Variants in RFFL observed in about 807,000 individuals in gnomAD.
RFFL encodes ring finger and FYVE like domain containing E3 ubiquitin protein ligase.
In RFFL, 16 loss-of-function variants were observed where a neutral mutation model predicts 40.4. The ratio of observed to expected loss-of-function variants is 0.40; its 90% CI spans 0.27 to 0.60. The LOEUF is 0.60. RFFL is among the 20% of genes least tolerant of loss of function. The pLI is 0.47. For missense variants in RFFL, 367 were observed against 451.7 expected (o/e 0.81, Z 1.70); for synonymous variants, 154 against 167.9 (o/e 0.92, Z 0.64).
At chr17:35,065,330 C>T (rs34294711), upstream of RFFL, among the ~76,000 whole-genome samples, 13,928 of 151,976 alleles carry the variant, frequency 0.092, 1,953 homozygotes, top group African/African-American at 0.3. Context: ...CCGAGGTGGG[C>T]GGATCACCTG....
At position 35,011,353 on chromosome 17, in the gene RFFL, T is replaced by G. The variant is rs1169084785; in HGVS notation, c.*615A>C. On this transcript the variant is annotated 3_prime_UTR_variant, in exon 7 of 7. Coordinates refer to ENST00000394597, the MANE Select transcript of RFFL (RefSeq NM_001017368.2). Reference sequence around the variant, plus strand: ...AGTGGCTTTTAACAACTTTGAAATTTTTCTATAGCATTTGTATTTCATTTC... The same window carrying G: ...AGTGGCTTTTAACAACTTTGAAATTGTTCTATAGCATTTGTATTTCATTTC... The G allele has an allele frequency of 6.6e-6, 1 of 152,236 alleles. No homozygotes were observed. The highest frequency in any genetic ancestry group is 1.9e-4 in the East Asian group (1 of 5,206). 9.4% of individuals were successfully genotyped at this position (152,236 alleles called of 1,614,324 possible).
At chr17:35,054,604 T>A (rs1015163810) in intron 1 of RFFL, among the ~76,000 whole-genome samples, 1 of 151,570 alleles carries the variant, frequency 6.6e-6, no homozygotes, top group African/African-American at 2.4e-5. Flanking sequence ...AAGACTTTAT[T>A]TAACTGGGTT....
Position 35,018,144 on chromosome 17 carries a change from A to G in RFFL, c.592-538T>C, listed in dbSNP as rs547071654. On this transcript the variant is annotated intron_variant, in intron 3 of 6. Coordinates refer to ENST00000394597, the MANE Select transcript of RFFL (RefSeq NM_001017368.2). Reference sequence around the variant, plus strand: ...CTTCCTTATCTGACACTGATGGGACAAAGTTTCCAGATCATCACCACCCTA... The same window carrying G: ...CTTCCTTATCTGACACTGATGGGACGAAGTTTCCAGATCATCACCACCCTA... Among the ~76,000 whole-genome samples, 39 of 152,266 alleles carry G rather than the reference A, an allele frequency of 2.6e-4. No homozygotes were observed. The South Asian group carries it at 8.1e-3, about 32-fold the overall frequency.
intron 1 of RFFL, among the ~76,000 whole-genome samples, chr17:35,058,408 C>G (rs2091272564): frequency 6.6e-6 from 1 of 152,112 alleles, no homozygotes; most frequent in Non-Finnish European, 1.5e-5. Context: ...CCCAAACTAC[C>G]CATTTAATAA....
intron 1 of RFFL, among the ~76,000 whole-genome samples, chr17:35,029,873 G>C (rs950296815): frequency 2.9e-5 from 4 of 136,898 alleles, no homozygotes; most frequent in Non-Finnish European, 4.6e-5. Context: ...CCCAGAGTAT[G>C]ATGTTCCCCT....
chr17:35,011,872 T>G lies in RFFL; in HGVS notation c.*96A>C. On this transcript the variant is annotated 3_prime_UTR_variant, in exon 7 of 7. Coordinates refer to ENST00000394597, the MANE Select transcript of RFFL (RefSeq NM_001017368.2). ...ACCTGGTTTTGGGAACCCTGCAATA[T>G]TTCTACTAGCTTGCTCCTCTGCAAG... is the stretch of plus-strand genomic sequence containing the variant. 8.2e-7 allele frequency: 1 copy of G among 1,223,570 alleles called. No individual in the cohort carries two copies. Among genetic ancestry groups the G allele is most frequent in the Non-Finnish European group, 1.2e-6 (1 of 855,038 alleles). 75.8% of individuals were successfully genotyped at this position (1,223,570 alleles called of 1,614,324 possible).
At chr17:35,026,954 G>A (rs893572768) in intron 1 of RFFL, among the ~76,000 whole-genome samples, 10 of 152,248 alleles carry the variant, frequency 6.6e-5, no homozygotes, top group South Asian at 2.1e-4. Flanking sequence ...GGCCCACTTC[G>A]GCCTCCCAAA....
chr17:35,012,177 AGG>A (rs1465679910), intron 6 of RFFL, 28 bp from the exon 7 acceptor site: 1 of 1,603,252 alleles, frequency 6.2e-7, no homozygotes, highest in African/African-American at 1.3e-5. Context: ...GCAGAAAAAA[AGG>A]GGCAGAGGAG....
At chr17:35,078,734 C>A (rs2091389274) in intron 1 of RFFL, among the ~76,000 whole-genome samples, 1 of 152,224 alleles carries the variant, frequency 6.6e-6, no homozygotes, top group Non-Finnish European at 1.5e-5. Context: ...TATCCCAACA[C>A]TTTGGGAGGC....
intron 3 of RFFL, among the ~76,000 whole-genome samples, chr17:35,020,654 GT>G (rs1179877493): frequency 6.6e-6 from 1 of 151,954 alleles, no homozygotes; most frequent in African/African-American, 2.4e-5. Context: ...CAACAATTAT[GT>G]CCACTGGCCT....
In RFFL at chr17:35,063,633, T is replaced by TCTA. The variant is rs1477052371; in HGVS notation, c.-67_-66insTAG. 2.6e-5 allele frequency: 4 copies of TCTA among 152,274 alleles called. No individual in the cohort carries two copies. The highest frequency in any genetic ancestry group is 9.6e-5 in the African/African-American group (4 of 41,458). 9.4% of individuals were successfully genotyped at this position (152,274 alleles called of 1,614,324 possible). A position where few individuals can be genotyped will look rare whatever the true frequency, so the allele number is the denominator to read the frequency against. On this transcript the variant is annotated 5_prime_UTR_variant, in exon 1 of 7. It introduces an in-frame stop codon into an upstream open reading frame of the 5' UTR. Coordinates refer to ENST00000394597, the MANE Select transcript of RFFL (RefSeq NM_001017368.2). ...CAGAAAGCAAGCTGTCTCTAGTTCC[T>TCTA]GTGGCTGAGGTCGCTGGAGCCATGT...
chr17:35,046,479 C>G (rs2091201028), intron 1 of RFFL, among the ~76,000 whole-genome samples: 1 of 152,094 alleles, frequency 6.6e-6, no homozygotes, highest in Non-Finnish European at 1.5e-5. Context: ...ACAGCCCAAG[C>G]AAGGTGGAAG....
chr17:35,019,335 C>T (rs2090993841), intron 3 of RFFL, among the ~76,000 whole-genome samples: 1 of 152,086 alleles, frequency 6.6e-6, no homozygotes, highest in Non-Finnish European at 1.5e-5. Flanking sequence ...TGACAGGAAG[C>T]TTATCATCTT....
intron 1 of RFFL, among the ~76,000 whole-genome samples, chr17:35,027,277 T>C (rs960734898): frequency 6.6e-6 from 1 of 152,218 alleles, no homozygotes. Context: ...CAGTTATATC[T>C]TGCTCTTTAT....
intron 1 of RFFL, among the ~76,000 whole-genome samples, chr17:35,042,007 TC>T (rs1334684283): frequency 6.6e-6 from 1 of 151,988 alleles, no homozygotes; most frequent in East Asian, 1.9e-4. Flanking sequence ...AGAGCGAGAC[TC>T]CATCTCAAAA....
At chr17:35,066,094 GC>G (rs2091320170), upstream of RFFL, among the ~76,000 whole-genome samples, 1 of 152,166 alleles carries the variant, frequency 6.6e-6, no homozygotes, top group South Asian at 2.1e-4. Flanking sequence ...CTGCAATCCA[GC>G]CCAGGCGACA....
chr17:35,015,932 G>A (rs189319722), intron 5 of RFFL, among the ~76,000 whole-genome samples: 68 of 152,310 alleles, frequency 4.5e-4, no homozygotes, highest in African/African-American at 1.6e-3. Flanking sequence ...GAGCCCAAGT[G>A]CAGATGGAAC....
At chr17:35,062,572 G>C (rs774535650) in intron 1 of RFFL, among the ~76,000 whole-genome samples, 1 of 152,108 alleles carries the variant, frequency 6.6e-6, no homozygotes, top group Non-Finnish European at 1.5e-5. Context: ...TAAATACCAG[G>C]TTCTCCTGAG....
chr17:35,029,898 G>A (rs897972265), intron 1 of RFFL, among the ~76,000 whole-genome samples: 6 of 143,912 alleles, frequency 4.2e-5, no homozygotes, highest in African/African-American at 1.3e-4. Flanking sequence ...GTGTCCATGT[G>A]TTCTCATTGT....
Sources: gnomAD v4.1 joint callset for allele counts (sites outside exome capture counted in the v4.1 genomes callset) on GRCh38, gnomAD v4.1.1 for gene constraint, MANE v1.5 for transcripts, NCBI Gene and HGNC (gene_info 2026-07-23, HGNC 2026-07-21) for gene names.